The following CD1B variants were observed in gnomAD, a reference collection of about 807,000 sequenced individuals.
CD1B encodes CD1b molecule.
Under a neutral mutation model 39.8 loss-of-function variants are expected in CD1B, and 43 were observed. That is an observed-to-expected ratio of 1.08 (90% confidence interval 0.85 to 1.39). The LOEUF (loss-of-function observed/expected upper bound fraction) is 1.39, where lower values mean the gene tolerates loss of function less well. Among genes scored for constraint, CD1B ranks in the 40% most tolerant of loss-of-function variants. CD1B has a pLI of 0.00. For synonymous variants in CD1B, 192 were observed against 152.5 expected (o/e 1.26, Z -1.91); for missense variants, 495 against 403.8 (o/e 1.23, Z -1.94).
At chr1:158,306,056 G>C in the CD1B span, among the ~76,000 whole-genome samples, 2 of 152,112 alleles carry the variant, frequency 1.3e-5, no homozygotes, top group South Asian at 2.1e-4. Flanking sequence ...ACATCATAAT[G>C]ACAGGATCAA....
At chr1:158,316,441 T>C in the CD1B span, among the ~76,000 whole-genome samples, 1 of 151,976 alleles carries the variant, frequency 6.6e-6, no homozygotes, top group South Asian at 2.1e-4. Flanking sequence ...ATTTCACTCA[T>C]GATTTGGCTC....
At chr1:158,328,896 A>T (rs1158012204) in intron 5 of CD1B, 25 bp downstream of exon 5, 2 of 1,535,784 alleles carry the variant, frequency 1.3e-6, no homozygotes, top group Non-Finnish European at 1.8e-6. Flanking sequence ...TATTAAAAAA[A>T]AAAACAACAC....
At chr1:158,297,676 T>C in the CD1B span, among the ~76,000 whole-genome samples, 1 of 152,156 alleles carries the variant, frequency 6.6e-6, no homozygotes, top group African/African-American at 2.4e-5. Flanking sequence ...GGCTCATGCC[T>C]GTAATCCTAA....
the CD1B span, chr1:158,292,622 C>A: frequency 1.2e-6 from 2 of 1,612,880 alleles, no homozygotes; most frequent in Non-Finnish European, 1.7e-6. Flanking sequence ...GCTGTCCAGT[C>A]GCCCCAGCCT....
At chr1:158,296,105 G>A in the CD1B span, among the ~76,000 whole-genome samples, 1 of 151,950 alleles carries the variant, frequency 6.6e-6, no homozygotes, top group South Asian at 2.1e-4. Context: ...CTGCCCCACT[G>A]CTGCCAGTAC....
the CD1B span, among the ~76,000 whole-genome samples, chr1:158,317,376 C>T: frequency 1.1e-4 from 16 of 152,314 alleles, no homozygotes; most frequent in South Asian, 2.5e-3. Context: ...CAACTTCTTC[C>T]TGGTTTAGTC....
intron 2 of CD1B, 90 bp from the exon 3 acceptor site, chr1:158,330,220 G>T: frequency 8.3e-7 from 1 of 1,211,136 alleles, no homozygotes. Flanking sequence ...TTTTGGTGGG[G>T]ATAAAGTTAT....
the CD1B span, among the ~76,000 whole-genome samples, chr1:158,320,037 G>A: frequency 3.0e-4 from 45 of 152,330 alleles, 1 homozygote; most frequent in Admixed American, 1.9e-3. Flanking sequence ...CTCCAGCTGC[G>A]TACTGGGAGA....
the CD1B span, chr1:158,293,494 C>G: frequency 4.5e-5 from 73 of 1,614,086 alleles, 1 homozygote; most frequent in Admixed American, 8.0e-4. Context: ...CCCCCTGACT[C>G]CCCCATTGTG....
the CD1B span, among the ~76,000 whole-genome samples, chr1:158,311,613 G>T: frequency 1.7e-3 from 252 of 152,088 alleles, 2 homozygotes; most frequent in Non-Finnish European, 2.9e-3. Flanking sequence ...TTTTCTTCTT[G>T]TAGTTTCACA....
the CD1B span, chr1:158,292,750 T>G: frequency 6.2e-7 from 1 of 1,614,064 alleles, no homozygotes; most frequent in South Asian, 1.1e-5. Flanking sequence ...GTGATATTCT[T>G]CCTAATGCTG....
the CD1B span, chr1:158,291,988 C>T: frequency 8.5e-6 from 11 of 1,292,440 alleles, no homozygotes; most frequent in Non-Finnish European, 1.2e-5. Flanking sequence ...CCATGTAAAA[C>T]TTTCTTGCTT....
the CD1B span, among the ~76,000 whole-genome samples, chr1:158,303,959 G>T: frequency 6.6e-6 from 1 of 152,026 alleles, no homozygotes; most frequent in Non-Finnish European, 1.5e-5. Flanking sequence ...AGTCTGGGGG[G>T]TGCAACCAAG....
chr1:158,313,566 T>A, the CD1B span, among the ~76,000 whole-genome samples: 1 of 152,166 alleles, frequency 6.6e-6, no homozygotes, highest in Non-Finnish European at 1.5e-5. Context: ...CTCCTTGGCT[T>A]CCCAAAGTGC....
At chr1:158,298,932 T>C in the CD1B span, among the ~76,000 whole-genome samples, 1 of 152,186 alleles carries the variant, frequency 6.6e-6, no homozygotes, top group Admixed American at 6.5e-5. Flanking sequence ...TGATGGGGTT[T>C]TCTAAATATA....
At chr1:158,295,227 T>G in the CD1B span, among the ~76,000 whole-genome samples, 19 of 150,546 alleles carry the variant, frequency 1.3e-4, no homozygotes, top group African/African-American at 4.7e-4. Flanking sequence ...TCTGAGAAGA[T>G]CATTGGAAAG....
Position 158,329,482 on chromosome 1 carries a change from G to C in CD1B, c.774C>G (p.Asn258Lys). The change falls in exon 4 of 6, where the codon AAC (asparagine) becomes AAG (lysine). Residue 258 changes from asparagine to lysine, a missense_variant. Transcript: ENST00000368168. The part of the protein sequence containing the change: ...TQLGDILPNA[N>K]WTWYLRATLD... The stretch of plus-strand genomic sequence containing the variant: ...GGGTTGCTCGGAGATACCATGTCCA[G>C]TTAGCATTGGGCAGGATGTCCCCTA... 1 of 1,614,176 alleles carries C rather than the reference G, an allele frequency of 6.2e-7. No individual in the cohort carries two copies. The highest frequency in any genetic ancestry group is 2.2e-5 in the East Asian group (1 of 44,864).
chr1:158,314,071 TA>T, the CD1B span, among the ~76,000 whole-genome samples: 1 of 152,144 alleles, frequency 6.6e-6, no homozygotes, highest in South Asian at 2.1e-4. Context: ...TTTGTCTAGT[TA>T]AAAGTTTGTC....
chr1:158,329,767 T>G, intron 3 of CD1B, 85 bp downstream of exon 3: 1 of 1,551,288 alleles, frequency 6.4e-7, no homozygotes, highest in Non-Finnish European at 8.7e-7. Flanking sequence ...CCAAATAACT[T>G]GTTATTTAAG....
Sources: allele counts gnomAD v4.1 joint callset (sites outside exome capture counted in the v4.1 genomes callset), GRCh38; gene constraint gnomAD v4.1.1; transcripts MANE v1.5; gene names NCBI Gene and HGNC (gene_info 2026-07-23, HGNC 2026-07-21).